NDUFA12: variants seen among roughly 807,000 people sequenced by gnomAD.
The protein encoded by NDUFA12 is NADH dehydrogenase [ubiquinone] 1 alpha subcomplex subunit 12.
In NDUFA12, 17 loss-of-function variants were observed where a neutral mutation model predicts 20.3. The observed-to-expected ratio is 0.84, with a 90% CI of 0.57 to 1.26. The LOEUF (loss-of-function observed/expected upper bound fraction) is 1.26, where lower values mean the gene tolerates loss of function less well. Among genes scored for constraint, NDUFA12 ranks in the 50% most tolerant of loss-of-function variants. The probability of loss-of-function intolerance (pLI) is 0.00; values close to 1 mark genes in which losing one functional copy is unlikely to be tolerated. For missense variants in NDUFA12, 191 were observed against 183.7 expected, an observed-to-expected ratio of 1.04 and a Z score of -0.23; for synonymous variants, 72 against 63.6, an observed-to-expected ratio of 1.13 and a Z score of -0.63.
chr12:94,981,409 C>A (rs1253872480), intron 3 of NDUFA12, among the ~76,000 whole-genome samples: 1 of 152,208 alleles, frequency 6.6e-6, no homozygotes, highest in Non-Finnish European at 1.5e-5. Context: ...GATCGCACCA[C>A]TGAACTCCAG....
At chr12:94,985,063 C>T (rs140137698) in intron 3 of NDUFA12, among the ~76,000 whole-genome samples, 135 of 144,280 alleles carry the variant, frequency 9.4e-4, no homozygotes, top group African/African-American at 3.4e-3. Flanking sequence ...TGGCTCATGC[C>T]TGTAATCCCA....
intron 3 of NDUFA12, among the ~76,000 whole-genome samples, chr12:94,991,754 CAAG>C (rs1874653580): frequency 2.1e-5 from 3 of 142,836 alleles, no homozygotes; most frequent in African/African-American, 7.6e-5. Flanking sequence ...CAAGAAAAAA[CAAG>C]AAGTCTCACA....
At chr12:94,990,380 G>C (rs1006891057) in intron 3 of NDUFA12, among the ~76,000 whole-genome samples, 3 of 152,080 alleles carry the variant, frequency 2.0e-5, no homozygotes, top group Non-Finnish European at 4.4e-5. Context: ...GATGTAGCAT[G>C]AGAAAGCTCC....
intron 2 of NDUFA12, among the ~76,000 whole-genome samples, chr12:94,995,669 GAC>G (rs78616663): frequency 0.3 from 45,825 of 151,854 alleles, 7,254 homozygotes; most frequent in East Asian, 0.42. Context: ...GAGTAGCTGG[GAC>G]CATAGGCATG....
intron 3 of NDUFA12, among the ~76,000 whole-genome samples, chr12:94,984,337 A>C (rs931457537): frequency 1.3e-5 from 2 of 151,910 alleles, no homozygotes; most frequent in Non-Finnish European, 2.9e-5. Context: ...AAAAACAAGC[A>C]AACGGCCGGG....
intron 3 of NDUFA12, among the ~76,000 whole-genome samples, chr12:94,977,340 C>T (rs1874090578): frequency 6.6e-6 from 1 of 152,038 alleles, no homozygotes; most frequent in Admixed American, 6.6e-5. Flanking sequence ...GGTGTGGTGG[C>T]ATGCACCTAT....
chr12:94,999,022 C>A (rs1303180244), intron 2 of NDUFA12, among the ~76,000 whole-genome samples: 1 of 152,116 alleles, frequency 6.6e-6, no homozygotes, highest in Non-Finnish European at 1.5e-5. Flanking sequence ...GCCCACACAG[C>A]CAAAGCAATA....
At chr12:94,985,396 G>A (rs1461850438) in intron 3 of NDUFA12, among the ~76,000 whole-genome samples, 1 of 150,902 alleles carries the variant, frequency 6.6e-6, no homozygotes, top group Non-Finnish European at 1.5e-5. Flanking sequence ...AGGCCGAGGT[G>A]GGTGGATCAC....
intron 3 of NDUFA12, among the ~76,000 whole-genome samples, chr12:94,986,114 T>TAAATAAATAAATAAGC (rs201942637): frequency 2.0e-5 from 3 of 150,534 alleles, no homozygotes; most frequent in African/African-American, 7.3e-5. Context: ...AATAAATAAA[T>TAAATAAATAAATAAGC]AAGCTAGTCT....
chr12:94,997,034 G>T (rs7973115), intron 2 of NDUFA12: 76,430 of 281,744 alleles, frequency 0.27, 11,132 homozygotes, highest in Non-Finnish European at 0.27. Context: ...CTAAAATTCT[G>T]TGATTTATGT....
rs181524442 is a variant in NDUFA12 at position 94,986,379 on chromosome 12, T to C, written c.257+7791A>G. On this transcript the variant is annotated intron_variant, in intron 3 of 3. Transcript: ENST00000327772. Reference sequence around the variant, plus strand: ...GGAGGACTAAGCTTTAGTGCTCTACTGCACAGAATGGTGACTGTAATAAAT... The same window carrying C: ...GGAGGACTAAGCTTTAGTGCTCTACCGCACAGAATGGTGACTGTAATAAAT... Among the ~76,000 whole-genome samples the C allele has an allele frequency of 8.4e-4, 128 of 152,274 alleles. 2 individuals carry two copies. Among genetic ancestry groups the C allele is most frequent in the African/African-American group, 3.0e-3 (123 of 41,552 alleles).
Position 94,971,429 on chromosome 12 carries a change from C to A in NDUFA12, c.*11G>T. 1 of 1,613,292 alleles carries A rather than the reference C, an allele frequency of 6.2e-7. No individual in the cohort carries two copies. The highest frequency in any genetic ancestry group is 8.5e-7 in the Non-Finnish European group (1 of 1,179,248). ...CCATATTTTGCATGTTTCAACTGTT[C>A]TTCATTGTCTTTACTTGTAAGGTGT... On this transcript the variant is annotated 3_prime_UTR_variant, in exon 4 of 4. Coordinates refer to ENST00000327772, the MANE Select transcript of NDUFA12 (RefSeq NM_018838.5).
At chr12:94,978,469 C>T (rs1874131069) in intron 3 of NDUFA12, among the ~76,000 whole-genome samples, 1 of 152,150 alleles carries the variant, frequency 6.6e-6, no homozygotes, top group South Asian at 2.1e-4. Context: ...CTTGAGTAAA[C>T]AAGAGTCATT....
At chr12:94,976,255 C>T (rs988423104) in intron 3 of NDUFA12, among the ~76,000 whole-genome samples, 3 of 152,110 alleles carry the variant, frequency 2.0e-5, no homozygotes, top group Non-Finnish European at 4.4e-5. Context: ...GAAAACCAGG[C>T]TGCCAAAAGT....
At chr12:95,001,936 C>T (rs1218081662) in intron 2 of NDUFA12, among the ~76,000 whole-genome samples, 1 of 151,752 alleles carries the variant, frequency 6.6e-6, no homozygotes, top group Non-Finnish European at 1.5e-5. Context: ...ATCTCCTGAC[C>T]TCGTGATCCG....
chr12:95,003,574 A>T, intron 1 of NDUFA12, 21 bp downstream of exon 1: 1 of 1,612,310 alleles, frequency 6.2e-7, no homozygotes, highest in Non-Finnish European at 8.5e-7. Flanking sequence ...AGAGGCCAAG[A>T]GCATGGCTCT....
At chr12:94,990,995 C>G (rs1325041095) in intron 3 of NDUFA12, among the ~76,000 whole-genome samples, 2 of 152,068 alleles carry the variant, frequency 1.3e-5, no homozygotes, top group African/African-American at 4.8e-5. Flanking sequence ...TTAAAGTGCT[C>G]TAGAAAGGCC....
chr12:94,984,220 C>T (rs1009806801), intron 3 of NDUFA12, among the ~76,000 whole-genome samples: 9 of 152,242 alleles, frequency 5.9e-5, no homozygotes, highest in African/African-American at 2.2e-4. Context: ...CAATCATTAC[C>T]CATGTTTCCT....
chr12:95,001,066 A>G lies in NDUFA12; in HGVS notation c.169+1673T>C, dbSNP rs373098568. Among the ~76,000 whole-genome samples the G allele has an allele frequency of 1.2e-4, 19 of 152,212 alleles. No homozygotes were observed. The East Asian group carries it at 1.3e-3, about 11-fold the overall frequency. Reference sequence around the variant, plus strand: ...ATGCCCGTGATCCCAGCACTTTGGGAGGCTGAGACAAGAGGATGGCTTAAG... The same window carrying G: ...ATGCCCGTGATCCCAGCACTTTGGGGGGCTGAGACAAGAGGATGGCTTAAG... On this transcript the variant is annotated intron_variant, in intron 2 of 3. Transcript: ENST00000327772.
Sources: allele counts gnomAD v4.1 joint callset (sites outside exome capture counted in the v4.1 genomes callset), GRCh38; gene constraint gnomAD v4.1.1; transcripts MANE v1.5; gene names NCBI Gene and HGNC (gene_info 2026-07-23, HGNC 2026-07-21).